SUMF1: variants seen among roughly 807,000 people sequenced by gnomAD.
The protein encoded by SUMF1 is sulfatase modifying factor 1.
A neutral mutation model predicts 47.6 loss-of-function variants in SUMF1; 48 were observed. That is an observed-to-expected ratio of 1.01 (90% CI 0.80 to 1.28). SUMF1 has a LOEUF of 1.28. Among genes scored for constraint, SUMF1 ranks in the 50% most tolerant of loss-of-function variants. SUMF1 has a pLI of 0.00. For synonymous variants in SUMF1, 230 were observed against 192.1 expected (o/e 1.20, Z -1.63); for missense variants, 571 against 485.4 (o/e 1.18, Z -1.66).
chr3:4,078,048 T>C (rs1263380183), intron 8 of SUMF1, among the ~76,000 whole-genome samples: 1 of 152,118 alleles, frequency 6.6e-6, no homozygotes, highest in Non-Finnish European at 1.5e-5. Context: ...ACAAATTATG[T>C]AGCCAGCCCT....
At chr3:4,403,354 C>T (rs1701275355) in intron 7 of SUMF1, among the ~76,000 whole-genome samples, 1 of 151,950 alleles carries the variant, frequency 6.6e-6, no homozygotes, top group Non-Finnish European at 1.5e-5. Context: ...AAGGATAGCT[C>T]CACTATTATT....
chr3:4,078,896 A>C (rs1423931448), intron 8 of SUMF1, among the ~76,000 whole-genome samples: 1 of 152,158 alleles, frequency 6.6e-6, no homozygotes, highest in Non-Finnish European at 1.5e-5. Context: ...AGAGCCAGGT[A>C]GTGTGGATTT....
intron 8 of SUMF1, among the ~76,000 whole-genome samples, chr3:4,180,683 A>ACACACACACACACACACACACACACACAC (rs1553606607): frequency 8.6e-5 from 12 of 139,734 alleles, no homozygotes; most frequent in South Asian, 4.8e-4. Context: ...CCTAGAACTT[A>ACACACACACACACACACACACACACACAC]ACACACACAC....
intron 8 of SUMF1, among the ~76,000 whole-genome samples, chr3:4,186,419 C>G (rs2125138143): frequency 6.6e-6 from 1 of 152,242 alleles, no homozygotes; most frequent in African/African-American, 2.4e-5. Context: ...ATAACCCATA[C>G]AGTGGCTTAT....
At chr3:4,182,353 A>G (rs1160062) in intron 8 of SUMF1, among the ~76,000 whole-genome samples, 1 of 150,630 alleles carries the variant, frequency 6.6e-6, no homozygotes, top group Non-Finnish European at 1.5e-5. Context: ...TCTGTGCATG[A>G]TAAATCCAAC....
intron 9 of SUMF1, among the ~76,000 whole-genome samples, chr3:4,040,645 A>C (rs1011773103): frequency 1.3e-5 from 2 of 152,230 alleles, no homozygotes; most frequent in African/African-American, 4.8e-5. Context: ...AGAAGTGAAG[A>C]ATGTCTGAGA....
chr3:4,433,677 T>C (rs1030866040), intron 3 of SUMF1, among the ~76,000 whole-genome samples: 1 of 152,224 alleles, frequency 6.6e-6, no homozygotes, highest in African/African-American at 2.4e-5. Context: ...CCTGCTGCTT[T>C]CAAAAACTAA....
rs1701779189 is a variant in SUMF1, at chr3:4,418,188, A to G, written c.603-56T>C. 4.3e-6 allele frequency: 7 copies of G among 1,611,038 alleles called. No individual in the cohort carries two copies. The South Asian group carries it at 5.5e-5, about 13-fold the overall frequency. On this transcript the variant is annotated intron_variant, in intron 4 of 8. Transcript: ENST00000272902. ...GACACCAATCAGAACAAGAAGCAGG[A>G]GCTGGCTTCAGCAAAGCGCCCATAA...
chr3:4,108,569 T>A (rs1448697967), intron 8 of SUMF1, among the ~76,000 whole-genome samples: 2 of 152,148 alleles, frequency 1.3e-5, no homozygotes, highest in Non-Finnish European at 1.5e-5. Flanking sequence ...AGTCTCTTTC[T>A]AGGTCTCTAA....
chr3:4,082,657 T>C (rs1692586076), intron 8 of SUMF1, among the ~76,000 whole-genome samples: 1 of 152,108 alleles, frequency 6.6e-6, no homozygotes, highest in Admixed American at 6.6e-5. Flanking sequence ...AAATTATTAA[T>C]CTATTTAATA....
chr3:4,445,533 C>G (rs1488006818), intron 3 of SUMF1, among the ~76,000 whole-genome samples: 1 of 149,320 alleles, frequency 6.7e-6, no homozygotes, highest in East Asian at 1.9e-4. Context: ...GAGATGGGGT[C>G]TCTCTCTCTC....
intron 1 of SUMF1, among the ~76,000 whole-genome samples, chr3:4,462,653 T>A (rs2079843763): frequency 6.6e-6 from 1 of 152,318 alleles, no homozygotes; most frequent in South Asian, 2.1e-4. Context: ...CTCCTCAACC[T>A]TAACATTAAA....
intron 8 of SUMF1, among the ~76,000 whole-genome samples, chr3:4,091,422 C>T (rs1254033991): frequency 1.3e-5 from 2 of 152,038 alleles, no homozygotes; most frequent in Non-Finnish European, 2.9e-5. Flanking sequence ...TGAGGGTGTA[C>T]GTGCATCTAT....
intron 3 of SUMF1, among the ~76,000 whole-genome samples, chr3:4,429,561 T>G (rs1702172592): frequency 6.6e-6 from 1 of 152,188 alleles, no homozygotes; most frequent in South Asian, 2.1e-4. Flanking sequence ...ACAATATAAA[T>G]AATCTCATTT....
At chr3:4,465,161 T>A (rs2079910315) in intron 1 of SUMF1, among the ~76,000 whole-genome samples, 1 of 152,120 alleles carries the variant, frequency 6.6e-6, no homozygotes, top group Non-Finnish European at 1.5e-5. Flanking sequence ...GATAAACAGA[T>A]GTAAGGATTT....
chr3:4,140,593 A>G (rs756130244), intron 8 of SUMF1, among the ~76,000 whole-genome samples: 5 of 152,020 alleles, frequency 3.3e-5, no homozygotes, highest in Non-Finnish European at 5.9e-5. Context: ...TTATTTTTCT[A>G]TTCATATACT....
In SUMF1 at chr3:4,075,118, C is replaced by T. The variant is rs1414030317; in HGVS notation, c.1015-6373G>A. Among the ~76,000 whole-genome samples the T allele has an allele frequency of 3.9e-5, 6 of 152,094 alleles. 1 individual carries two copies. Among genetic ancestry groups the T allele is most frequent in the African/African-American group, 1.5e-4 (6 of 41,370 alleles). Reference sequence around the variant, plus strand: ...TCAATAAAATACTGGCAAACTGAATCCAGCAGCACATCAAAAAGCTTATCC... The same window carrying T: ...TCAATAAAATACTGGCAAACTGAATTCAGCAGCACATCAAAAAGCTTATCC... On this transcript the variant is annotated intron_variant and NMD_transcript_variant, in intron 8 of 12. Transcript: ENST00000448413.
intron 8 of SUMF1, among the ~76,000 whole-genome samples, chr3:4,144,091 A>G (rs984329880): frequency 2.7e-5 from 4 of 150,658 alleles, no homozygotes; most frequent in African/African-American, 7.4e-5. Flanking sequence ...CCTGGGCTCA[A>G]GCAATCTAGG....
intron 8 of SUMF1, among the ~76,000 whole-genome samples, chr3:4,334,673 A>T (rs1002631352): frequency 6.6e-6 from 1 of 152,242 alleles, no homozygotes; most frequent in Non-Finnish European, 1.5e-5. Context: ...ACAAGTATCA[A>T]ACCAAGAGGG....
Sources: allele counts gnomAD v4.1 joint callset (sites outside exome capture counted in the v4.1 genomes callset), GRCh38; gene constraint gnomAD v4.1.1; transcripts MANE v1.5; gene names NCBI Gene and HGNC (gene_info 2026-07-23, HGNC 2026-07-21).